SPPL3: variants seen among roughly 807,000 people sequenced by gnomAD.
SPPL3 encodes the protein signal peptide peptidase-like 3.
Under a neutral mutation model 42.4 loss-of-function variants are expected in SPPL3, and 5 were observed. The observed-to-expected ratio is 0.12, with a 90% CI of 0.06 to 0.25. The LOEUF is 0.25. SPPL3 is among the 10% of genes least tolerant of loss of function. The probability of loss-of-function intolerance (pLI) is 1.00; values close to 1 mark genes in which losing one functional copy is unlikely to be tolerated. For missense variants in SPPL3, 235 were observed against 489.0 expected (o/e 0.48, Z 4.90); for synonymous variants, 195 against 181.8 (o/e 1.07, Z -0.58).
intron 1 of SPPL3, among the ~76,000 whole-genome samples, chr12:120,840,998 G>T (rs1413333768): frequency 6.6e-6 from 1 of 151,754 alleles, no homozygotes; most frequent in Non-Finnish European, 1.5e-5. Context: ...ATATTATGAA[G>T]GGATGAATTT....
At chr12:120,820,066 C>T (rs758428161) in intron 1 of SPPL3, among the ~76,000 whole-genome samples, 5 of 152,290 alleles carry the variant, frequency 3.3e-5, no homozygotes, top group Non-Finnish European at 5.9e-5. Flanking sequence ...AGCCACATTT[C>T]GGGAATTGCT....
chr12:120,811,365 T>C (rs983593755), intron 1 of SPPL3: 3 of 153,614 alleles, frequency 2.0e-5, no homozygotes, highest in Admixed American at 6.5e-5. Flanking sequence ...TCCATCTAGA[T>C]GGCCTACAGG....
chr12:120,863,306 C>T (rs1463465629), intron 1 of SPPL3, among the ~76,000 whole-genome samples: 3 of 151,868 alleles, frequency 2.0e-5, no homozygotes, highest in East Asian at 3.9e-4. Flanking sequence ...TGAGATCACA[C>T]CACTGCACCC....
At chr12:120,829,908 C>T (rs2137016104) in intron 1 of SPPL3, among the ~76,000 whole-genome samples, 1 of 151,162 alleles carries the variant, frequency 6.6e-6, no homozygotes, top group Non-Finnish European at 1.5e-5. Context: ...ACAGGAGAAT[C>T]ACTTGAATGC....
At chr12:120,809,581 G>A (rs576351842) in intron 2 of SPPL3, among the ~76,000 whole-genome samples, 13 of 152,200 alleles carry the variant, frequency 8.5e-5, no homozygotes, top group African/African-American at 2.9e-4. Flanking sequence ...GCATTTTCTG[G>A]TAGGTTCATC....
intron 2 of SPPL3, among the ~76,000 whole-genome samples, chr12:120,803,673 T>C (rs1254236084): frequency 1.3e-5 from 2 of 152,156 alleles, no homozygotes; most frequent in African/African-American, 2.4e-5. Context: ...AAAGTTAGGT[T>C]AAGTTAAATA....
intron 1 of SPPL3, among the ~76,000 whole-genome samples, chr12:120,814,333 G>T (rs906987407): frequency 2.2e-4 from 33 of 152,240 alleles, no homozygotes; most frequent in South Asian, 1.9e-3. Context: ...GGGAAGGTAG[G>T]AGACATGAAG....
At position 120,779,796 on chromosome 12, in the gene SPPL3, G is replaced by A. The variant is rs192930535; in HGVS notation, c.502+2859C>T. ...TCAAGACCAGCCTGGCCAACGTGGCGAAACCTTGTCTCTACTAAAAATACA... is the reference window on the plus strand; with the variant it reads ...TCAAGACCAGCCTGGCCAACGTGGCAAAACCTTGTCTCTACTAAAAATACA... On this transcript the variant is annotated intron_variant, in intron 6 of 10. Transcript: ENST00000353487. Among the ~76,000 whole-genome samples, 467 of 110,582 alleles carry A rather than the reference G, an allele frequency of 4.2e-3. 3 individuals are homozygous for A. Among genetic ancestry groups the A allele is most frequent in the Admixed American group, 0.019 (141 of 7,576 alleles). 72.5% of individuals were successfully genotyped at this position (110,582 alleles called of 152,430 possible). A position where few individuals can be genotyped will look rare whatever the true frequency, so the allele number is the denominator to read the frequency against.
intron 1 of SPPL3, among the ~76,000 whole-genome samples, chr12:120,829,519 C>G (rs995964582): frequency 3.3e-5 from 5 of 152,056 alleles, no homozygotes; most frequent in African/African-American, 1.2e-4. Context: ...TCGCTTGGAC[C>G]TAGGGGGCAG....
intron 1 of SPPL3, among the ~76,000 whole-genome samples, chr12:120,892,300 A>G (rs963932459): frequency 1.3e-5 from 2 of 152,188 alleles, no homozygotes; most frequent in Non-Finnish European, 2.9e-5. Flanking sequence ...TGGTCATATT[A>G]AATACATTCA....
intron 2 of SPPL3, among the ~76,000 whole-genome samples, chr12:120,810,265 T>C (rs773496054): frequency 3.3e-5 from 5 of 152,200 alleles, no homozygotes; most frequent in African/African-American, 7.2e-5. Flanking sequence ...TATAGGCATA[T>C]GGCACTGTGC....
At chr12:120,878,149 ATATCT>A (rs548254810) in intron 1 of SPPL3, among the ~76,000 whole-genome samples, 21 of 152,332 alleles carry the variant, frequency 1.4e-4, no homozygotes, top group Non-Finnish European at 2.5e-4. Context: ...AAAAAATGAA[ATATCT>A]TAATTAAAAC....
intron 2 of SPPL3, among the ~76,000 whole-genome samples, chr12:120,797,886 A>T (rs1238026971): frequency 6.6e-6 from 1 of 152,178 alleles, no homozygotes; most frequent in African/African-American, 2.4e-5. Flanking sequence ...CTCTACTAAC[A>T]GCCTGACTCT....
At chr12:120,828,773 T>A (rs1288628550) in intron 1 of SPPL3, among the ~76,000 whole-genome samples, 1 of 152,240 alleles carries the variant, frequency 6.6e-6, no homozygotes, top group Non-Finnish European at 1.5e-5. Flanking sequence ...TTGTTTGTGT[T>A]AGAGATGGAG....
intron 1 of SPPL3, among the ~76,000 whole-genome samples, chr12:120,859,428 ATCG>A (rs1268522862): frequency 6.6e-6 from 1 of 152,216 alleles, no homozygotes. Context: ...ATCTATGTAA[ATCG>A]TCTTTTCAAG....
At chr12:120,891,264 C>T (rs887745870) in intron 1 of SPPL3, among the ~76,000 whole-genome samples, 1 of 152,146 alleles carries the variant, frequency 6.6e-6, no homozygotes, top group Non-Finnish European at 1.5e-5. Context: ...GTTTTCACCA[C>T]TGCAAAGATA....
intron 1 of SPPL3, among the ~76,000 whole-genome samples, chr12:120,830,874 T>G (rs1288062299): frequency 6.6e-6 from 1 of 152,124 alleles, no homozygotes; most frequent in African/African-American, 2.4e-5. Context: ...TCAATTTGAC[T>G]GAGCTAAAGG....
chr12:120,781,623 G>A (rs1869550558), intron 6 of SPPL3, among the ~76,000 whole-genome samples: 2 of 129,018 alleles, frequency 1.6e-5, no homozygotes, highest in Non-Finnish European at 1.6e-5. Context: ...GCCCAGGCCG[G>A]AGTGCAGTGG....
intron 1 of SPPL3, among the ~76,000 whole-genome samples, chr12:120,828,748 G>C (rs1243351286): frequency 6.6e-6 from 1 of 152,118 alleles, no homozygotes; most frequent in African/African-American, 2.4e-5. Flanking sequence ...GTTCCAAGAG[G>C]AAAGAAAGTC....
Sources: allele counts gnomAD v4.1 joint callset (sites outside exome capture counted in the v4.1 genomes callset), GRCh38; gene constraint gnomAD v4.1.1; transcripts MANE v1.5; gene names NCBI Gene and HGNC (gene_info 2026-07-23, HGNC 2026-07-21).